RBFOX1: variants seen among roughly 807,000 people sequenced by gnomAD.
RBFOX1 encodes RNA binding fox-1 homolog 1.
RBFOX1 carries 8 observed loss-of-function variants against 57.7 expected under a neutral mutation model. That is an observed-to-expected ratio of 0.14 (90% CI 0.08 to 0.25). The LOEUF (loss-of-function observed/expected upper bound fraction) is 0.25, where lower values mean the gene tolerates loss of function less well. RBFOX1 is among the 10% of genes least tolerant of loss of function. The probability of loss-of-function intolerance (pLI) is 1.00; values close to 1 mark genes in which losing one functional copy is unlikely to be tolerated. For synonymous variants in RBFOX1, 326 were observed against 222.4 expected (o/e 1.47, Z -4.15); for missense variants, 611 against 548.5 (o/e 1.11, Z -1.14).
intron 13 of RBFOX1, among the ~76,000 whole-genome samples, chr16:7,671,042 G>A (rs1414306543): frequency 6.6e-6 from 1 of 152,138 alleles, no homozygotes; most frequent in Non-Finnish European, 1.5e-5. Flanking sequence ...CGTAGCTTCA[G>A]TGTAATTCAT....
At chr16:6,977,469 C>T (rs1322120961) in intron 3 of RBFOX1, among the ~76,000 whole-genome samples, 1 of 152,080 alleles carries the variant, frequency 6.6e-6, no homozygotes, top group Admixed American at 6.6e-5. Context: ...GAATGCCTGA[C>T]TTCCTGAGAA....
At chr16:5,449,287 G>A (rs535106864) in intron 1 of RBFOX1, among the ~76,000 whole-genome samples, 89 of 152,176 alleles carry the variant, frequency 5.8e-4, no homozygotes, top group Middle Eastern at 3.4e-3. Context: ...CCCTAATGAC[G>A]CCTACTTATC....
chr16:7,587,431 C>G (rs2094188649), intron 7 of RBFOX1, 131 bp downstream of exon 7: 1 of 964,290 alleles, frequency 1.0e-6, no homozygotes, highest in South Asian at 4.5e-5. Flanking sequence ...CCTTTAGAGA[C>G]CACCTTCCGT....
At chr16:5,252,440 G>C (rs538919299) in intron 1 of RBFOX1, among the ~76,000 whole-genome samples, 5 of 152,172 alleles carry the variant, frequency 3.3e-5, no homozygotes, top group African/African-American at 7.2e-5. Flanking sequence ...CACTTGCTAC[G>C]TATGAGAGTT....
chr16:7,521,709 T>C (rs868162784), intron 5 of RBFOX1, among the ~76,000 whole-genome samples: 1 of 152,358 alleles, frequency 6.6e-6, no homozygotes. Flanking sequence ...TTATCTATCA[T>C]AATGACAGTA....
At chr16:7,579,729 G>A in intron 5 of RBFOX1, 48 bp from the exon 6 acceptor site, 3 of 1,610,480 alleles carry the variant, frequency 1.9e-6, no homozygotes, top group Middle Eastern at 1.7e-4. Flanking sequence ...TCGGAAGAGA[G>A]CACTGTGGTC....
intron 4 of RBFOX1, among the ~76,000 whole-genome samples, chr16:5,913,063 G>A (rs536147862): frequency 9.2e-5 from 14 of 152,280 alleles, no homozygotes; most frequent in South Asian, 2.1e-4. Context: ...GACCTTAGGC[G>A]AGTCCCTTGA....
intron 11 of RBFOX1, among the ~76,000 whole-genome samples, chr16:7,650,822 C>A (rs2064888209): frequency 6.6e-6 from 1 of 152,170 alleles, no homozygotes. Flanking sequence ...AATAGTTGAA[C>A]TGTGGCAAGA....
At chr16:6,629,946 C>T (rs2098362156) in intron 2 of RBFOX1, among the ~76,000 whole-genome samples, 2 of 140,760 alleles carry the variant, frequency 1.4e-5, no homozygotes, top group African/African-American at 5.3e-5. Flanking sequence ...TACATTTGGC[C>T]TTATTTCGGT....
At chr16:5,497,892 G>A (rs1213350611) in intron 2 of RBFOX1, among the ~76,000 whole-genome samples, 2 of 152,218 alleles carry the variant, frequency 1.3e-5, no homozygotes, top group Non-Finnish European at 2.9e-5. Context: ...TTGTCCCTCT[G>A]AGGAGGTGGC....
At chr16:5,306,917 T>C (rs1567311112) in intron 1 of RBFOX1, among the ~76,000 whole-genome samples, 1 of 152,208 alleles carries the variant, frequency 6.6e-6, no homozygotes, top group Non-Finnish European at 1.5e-5. Context: ...GAGAATCATG[T>C]CTAGAAGCAG....
At chr16:6,258,486 A>T (rs2097682280) in intron 1 of RBFOX1, among the ~76,000 whole-genome samples, 1 of 152,160 alleles carries the variant, frequency 6.6e-6, no homozygotes. Flanking sequence ...CTCTGTTTCC[A>T]AATAATCTTC....
intron 4 of RBFOX1, among the ~76,000 whole-genome samples, chr16:7,498,388 G>A (rs1377149596): frequency 6.6e-6 from 1 of 152,036 alleles, no homozygotes; most frequent in African/African-American, 2.4e-5. Flanking sequence ...AATGAGTATA[G>A]CTAGCATTGT....
chr16:7,704,011 A>G (rs1210720774), intron 14 of RBFOX1, among the ~76,000 whole-genome samples: 3 of 152,214 alleles, frequency 2.0e-5, no homozygotes, highest in Non-Finnish European at 2.9e-5. Flanking sequence ...AGGTGGCTTA[A>G]TATTTACCTG....
rs58740358 is a variant in RBFOX1, at chr16:5,905,048, C to T, written c.351+37713C>T. Among the ~76,000 whole-genome samples, 435 of 125,870 alleles carry T rather than the reference C, an allele frequency of 3.5e-3. 5 individuals carry two copies. Among genetic ancestry groups the T allele is most frequent in the African/African-American group, 0.012 (408 of 33,428 alleles). 82.6% of individuals were successfully genotyped at this position (125,870 alleles called of 152,430 possible). ...CTGGGTGAGCCTTAATCCCATATGACTCCATATGACTGGTGCTTTTTTTTT... is the reference window on the plus strand; with the variant it reads ...CTGGGTGAGCCTTAATCCCATATGATTCCATATGACTGGTGCTTTTTTTTT... On this transcript the variant is annotated intron_variant, in intron 4 of 19. Coordinates refer to the RBFOX1 transcript ENST00000641259.
At chr16:7,325,827 C>A (rs1466715665) in intron 4 of RBFOX1, among the ~76,000 whole-genome samples, 1 of 152,164 alleles carries the variant, frequency 6.6e-6, no homozygotes, top group Non-Finnish European at 1.5e-5. Context: ...CCTTGGTATT[C>A]TAAATATTAT....
intron 11 of RBFOX1, among the ~76,000 whole-genome samples, chr16:7,652,001 G>A (rs2065160417): frequency 6.6e-6 from 1 of 152,058 alleles, no homozygotes; most frequent in South Asian, 2.1e-4. Context: ...TGATGAGTTA[G>A]GATTTGCATG....
intron 2 of RBFOX1, among the ~76,000 whole-genome samples, chr16:5,472,452 C>G (rs1360064756): frequency 1.3e-5 from 2 of 152,162 alleles, no homozygotes; most frequent in East Asian, 1.9e-4. Flanking sequence ...GCTACCAGGT[C>G]TCCCGGCTCA....
At chr16:5,422,778 A>T (rs1315711782) in intron 1 of RBFOX1, among the ~76,000 whole-genome samples, 1 of 69,850 alleles carries the variant, frequency 1.4e-5, no homozygotes, top group African/African-American at 5.7e-5. Flanking sequence ...GGAGAGGGAG[A>T]AGGGAGAGGG....
Sources: allele counts gnomAD v4.1 joint callset (sites outside exome capture counted in the v4.1 genomes callset), GRCh38; gene constraint gnomAD v4.1.1; transcripts MANE v1.5; gene names NCBI Gene and HGNC (gene_info 2026-07-23, HGNC 2026-07-21).